The following PPWD1 variants were observed in gnomAD, a reference collection of about 807,000 sequenced individuals.
PPWD1 encodes the protein peptidylprolyl isomerase domain and WD repeat-containing protein 1.
PPWD1 carries 43 observed loss-of-function variants against 68.8 expected under a neutral mutation model. The ratio of observed to expected loss-of-function variants is 0.62; its 90% CI spans 0.49 to 0.81. PPWD1 has a LOEUF of 0.81. Ranked by LOEUF, PPWD1 falls within the 30% of genes least tolerant of loss-of-function variation. The pLI is 0.00. For missense variants in PPWD1, 672 were observed against 804.8 expected, an observed-to-expected ratio of 0.83 and a Z score of 2.00; for synonymous variants, 232 against 258.7, an observed-to-expected ratio of 0.90 and a Z score of 0.99.
chr5:65,569,536 G>A (rs938457384), intron 2 of PPWD1, 96 bp from the exon 3 acceptor site: 20 of 1,356,958 alleles, frequency 1.5e-5, no homozygotes, highest in Admixed American at 5.6e-5. Context: ...AACCTATTAT[G>A]CACAAGTCAG....
intron 5 of PPWD1, 93 bp downstream of exon 5, chr5:65,572,379 A>G: frequency 8.0e-7 from 1 of 1,247,460 alleles, no homozygotes; most frequent in Non-Finnish European, 1.1e-6. Flanking sequence ...ACAGATAGAC[A>G]TTTAGATAGA....
At chr5:65,571,717 T>G (rs1753011300) in intron 4 of PPWD1, 122 bp from the exon 5 acceptor site, 3 of 1,429,542 alleles carry the variant, frequency 2.1e-6, no homozygotes, top group Non-Finnish European at 2.8e-6. Flanking sequence ...CTGCTACTTT[T>G]GAGCAAGGAA....
chr5:65,579,461 G>A lies in PPWD1; in HGVS notation c.1198G>A (p.Val400Met). The A allele has an allele frequency of 6.3e-7, 1 of 1,591,842 alleles. No individual in the cohort carries two copies. Among genetic ancestry groups the A allele is most frequent in the Non-Finnish European group, 8.5e-7 (1 of 1,171,784 alleles). The change falls in exon 7 of 11, where the codon GTG (valine) becomes ATG (methionine). Residue 400 changes from valine (V) to methionine (M), a missense_variant. Physicochemically the swap from Val to Met is conservative, Grantham distance 21. Around this residue, in one of 2 missense-constraint regions of PPWD1, gnomAD observed 484 missense variants for 646.2 expected, o/e 0.75. Coordinates refer to ENST00000261308, the MANE Select transcript of PPWD1 (RefSeq NM_015342.4). ...TTTAGGCAAACAAGAAAATATTAGA[G>A]TGATGCAATTGGCTTTGTTCCAGGG... ...RILGKQENIR[V>M]MQLALFQGIA...
In PPWD1 at chr5:65,586,154, C is replaced by T. The variant is rs1328634079; in HGVS notation, c.1770C>T (p.Ser590=). 3 of 1,612,990 alleles carry T rather than the reference C, an allele frequency of 1.9e-6. No individual in the cohort carries two copies. Among genetic ancestry groups the T allele is most frequent in the Non-Finnish European group, 2.5e-6 (3 of 1,179,386 alleles). Residue 590 remains serine (S), a synonymous_variant, in exon 10 of 11, where the codon TCC becomes TCT. Coordinates refer to ENST00000261308, the MANE Select transcript of PPWD1 (RefSeq NM_015342.4). ...ACGCGGGATCAAATACTAATGGATC[C>T]CAGTTTTTCATAACGGTAGTACCAA... ...MANAGSNTNG[S]QFFITVVPTP...
chr5:65,575,308 C>T (rs1300610006), intron 5 of PPWD1, among the ~76,000 whole-genome samples: 1 of 152,166 alleles, frequency 6.6e-6, no homozygotes, highest in Non-Finnish European at 1.5e-5. Flanking sequence ...AATGTGTAGT[C>T]CAGCATCCTA....
intron 8 of PPWD1, among the ~76,000 whole-genome samples, chr5:65,584,733 T>C (rs946673625): frequency 9.9e-5 from 15 of 152,182 alleles, no homozygotes; most frequent in Admixed American, 6.5e-5. Context: ...GCTGTATTTT[T>C]TTTGACTGCT....
At chr5:65,567,318 G>A (rs749138970) in intron 1 of PPWD1, 195 bp from the exon 2 acceptor site, 7 of 504,604 alleles carry the variant, frequency 1.4e-5, no homozygotes, top group Admixed American at 6.4e-5. Flanking sequence ...AAATAATGAC[G>A]CTATTCAGTG....
chr5:65,582,272 T>C (rs1352240802), intron 7 of PPWD1, among the ~76,000 whole-genome samples: 1 of 152,198 alleles, frequency 6.6e-6, no homozygotes, highest in East Asian at 1.9e-4. Context: ...TTTTAACAAC[T>C]GAAAGGTTTT....
Position 65,566,680 on chromosome 5 carries a change from A to G in PPWD1, c.197-833A>G, listed in dbSNP as rs574466229. On this transcript the variant is annotated intron_variant, in intron 1 of 10. Transcript: ENST00000261308. ...CGTTCAGTTATTTTATTTGGGATACATATAATTCTCCCCTCCCCTCGTTCC... is the reference window on the plus strand; with the variant it reads ...CGTTCAGTTATTTTATTTGGGATACGTATAATTCTCCCCTCCCCTCGTTCC... Among the ~76,000 whole-genome samples the G allele has an allele frequency of 7.9e-5, 12 of 151,806 alleles. No individual in the cohort carries two copies. In the East Asian group the frequency reaches 2.3e-3, roughly 29 times the overall value.
At chr5:65,567,771 C>G in intron 2 of PPWD1, 156 bp downstream of exon 2, 4 of 1,267,944 alleles carry the variant, frequency 3.2e-6, no homozygotes, top group Non-Finnish European at 4.1e-6. Context: ...TTTCCTATAT[C>G]GTACAAATAA....
intron 7 of PPWD1, among the ~76,000 whole-genome samples, chr5:65,581,975 T>C (rs1053709839): frequency 1.3e-5 from 2 of 152,164 alleles, no homozygotes; most frequent in African/African-American, 4.8e-5. Flanking sequence ...AAAAGTATGA[T>C]TTTACAAATC....
At chr5:65,567,092 A>G (rs550554534) in intron 1 of PPWD1, among the ~76,000 whole-genome samples, 69 of 152,328 alleles carry the variant, frequency 4.5e-4, no homozygotes, top group Middle Eastern at 3.4e-3. Flanking sequence ...ACAGATGGCC[A>G]CTGGACTCTT....
At chr5:65,564,779 AC>A (rs1752633754) in intron 1 of PPWD1, among the ~76,000 whole-genome samples, 1 of 152,054 alleles carries the variant, frequency 6.6e-6, no homozygotes, top group African/African-American at 2.4e-5. Flanking sequence ...TCGGTCTTGT[AC>A]TTTTTTTTCC....
At chr5:65,563,535 T>C (rs1752423973) in intron 1 of PPWD1, 29 bp downstream of exon 1, 2 of 1,587,432 alleles carry the variant, frequency 1.3e-6, no homozygotes, top group Non-Finnish European at 1.7e-6. Flanking sequence ...CCGGGACGAA[T>C]TGGAGTGCTG....
intron 2 of PPWD1, chr5:65,569,416 G>C (rs1320080737): frequency 2.7e-6 from 1 of 368,956 alleles, no homozygotes; most frequent in Non-Finnish European, 4.8e-6. Context: ...TAGCTCTTGA[G>C]GTTAAAATTA....
At position 65,572,331 on chromosome 5, in the gene PPWD1, G is replaced by C. The variant is rs371711171; in HGVS notation, c.969+45G>C. ...AACCGTACTTTACTTTTCTAAAAAT[G>C]CTTTATTTTATGCCTTTTCTTGAAA... On this transcript the variant is annotated intron_variant, in intron 5 of 10. Transcript: ENST00000261308. 6.0e-6 allele frequency: 9 copies of C among 1,497,088 alleles called. No homozygotes were observed. The Admixed American group carries it at 6.7e-5, about 11-fold the overall frequency. 92.7% of individuals were successfully genotyped at this position (1,497,088 alleles called of 1,614,324 possible). A position where few individuals can be genotyped will look rare whatever the true frequency, so the allele number is the denominator to read the frequency against.
chr5:65,578,735 CATAT>C lies in PPWD1; in HGVS notation c.1161-681_1161-678del, dbSNP rs1430050111. On this transcript the variant is annotated intron_variant, in intron 6 of 10. Transcript: ENST00000261308. ...ATATATGTATATACATATATATATACATATATATATACACACATATATGTGTATA... is the reference window on the plus strand; with the variant it reads ...ATATATGTATATACATATATATATACATATATACACACATATATGTGTATA... 2.6e-4 allele frequency among the ~76,000 whole-genome samples: 20 copies of C among 78,390 alleles called. No homozygotes were observed. In the South Asian group the frequency reaches 5.6e-3, roughly 22 times the overall value. 51.4% of individuals were successfully genotyped at this position (78,390 alleles called of 152,430 possible).
Position 65,579,487 on chromosome 5 carries a change from G to GA in PPWD1, c.1225dup (p.Ile409AsnfsTer17). ...TGATGCAATTGGCTTTGTTCCAGGG[G>GA]ATAGCCAAAAAGCATCGTGCTGCAA... On this transcript the variant is annotated frameshift_variant, in exon 7 of 11. Transcript: ENST00000261308. LOFTEE classifies it high-confidence loss of function. 6.2e-7 allele frequency: 1 copy of GA among 1,607,432 alleles called. No individual in the cohort carries two copies. Among genetic ancestry groups the GA allele is most frequent in the Non-Finnish European group, 8.5e-7 (1 of 1,177,672 alleles).
intron 1 of PPWD1, chr5:65,563,780 C>A: frequency 1.3e-6 from 2 of 1,488,214 alleles, no homozygotes; most frequent in Non-Finnish European, 1.8e-6. Flanking sequence ...ATGTGTTTGG[C>A]TCCTCTCATT....
Sources: gnomAD v4.1 joint callset for allele counts (sites outside exome capture counted in the v4.1 genomes callset) on GRCh38, gnomAD v4.1.1 for gene constraint, gnomAD v4.1.1 regional missense constraint, MANE v1.5 for transcripts, NCBI Gene and HGNC (gene_info 2026-07-23, HGNC 2026-07-21) for gene names.